NGLY1: variants seen among roughly 807,000 people sequenced by gnomAD.
The protein encoded by NGLY1 is N-glycanase 1.
A neutral mutation model predicts 84.6 loss-of-function variants in NGLY1; 68 were observed. The ratio of observed to expected loss-of-function variants is 0.80; its 90% CI spans 0.66 to 0.98. The LOEUF is 0.98. NGLY1 is among the 50% of genes least tolerant of loss of function. The pLI is 0.00. For synonymous variants in NGLY1, 280 were observed against 275.2 expected (o/e 1.02, Z -0.17); for missense variants, 779 against 770.2 (o/e 1.01, Z -0.14).
At position 25,719,434 on chromosome 3, in the gene NGLY1, C is replaced by T. The variant is rs1456476070; in HGVS notation, c.*26G>A. 2.5e-6 allele frequency: 4 copies of T among 1,604,928 alleles called. No individual in the cohort carries two copies. Among genetic ancestry groups the T allele is most frequent in the East Asian group, 2.2e-5 (1 of 44,792 alleles). Reference sequence around the variant, plus strand: ...TACTTCAGTAAGTCCTTGATTATTGCCAGCTTTTCTATAATGTTCAGGTTC... The same window carrying T: ...TACTTCAGTAAGTCCTTGATTATTGTCAGCTTTTCTATAATGTTCAGGTTC... On this transcript the variant is annotated 3_prime_UTR_variant, in exon 12 of 12. Transcript: ENST00000280700.
chr3:25,777,864 T>G (rs149395740), intron 2 of NGLY1: 1 of 152,254 alleles, frequency 6.6e-6, no homozygotes, highest in Admixed American at 6.5e-5. Context: ...CAGAGAGGCA[T>G]GAAGAAAAGT....
intron 10 of NGLY1, among the ~76,000 whole-genome samples, chr3:25,722,302 A>C (rs1190207840): frequency 6.7e-6 from 1 of 149,268 alleles, no homozygotes; most frequent in Non-Finnish European, 1.5e-5. Flanking sequence ...TTCATGTTAG[A>C]CTTGATCTTT....
Position 25,719,646 on chromosome 3 carries a change from GA to G in NGLY1, c.1790-12del, listed in dbSNP as rs531889481. The G allele has an allele frequency of 4.7e-4, 717 of 1,509,702 alleles. No homozygotes were observed. The highest frequency in any genetic ancestry group is 1.8e-3 in the Middle Eastern group (10 of 5,616). The allele number at this position is 1,509,702 out of a possible 1,614,324, so 93.5% of individuals were successfully genotyped here. The stretch of plus-strand genomic sequence containing the variant: ...AGTGAAGACTGTTATCTGTTAGAGG[GA>G]AAAAAAAAATTAACATTTTGCTTTT... On this transcript the variant is annotated splice_polypyrimidine_tract_variant and intron_variant, in intron 11 of 11. Transcript: ENST00000280700.
chr3:25,755,649 T>C (rs1707001358), intron 3 of NGLY1: 13 of 1,476,334 alleles, frequency 8.8e-6, no homozygotes, highest in Non-Finnish European at 1.1e-5. Context: ...GAGAAAAACA[T>C]GAAGATGATG....
At chr3:25,747,507 G>A (rs541579250) in intron 4 of NGLY1, among the ~76,000 whole-genome samples, 78 of 152,202 alleles carry the variant, frequency 5.1e-4, no homozygotes, top group Non-Finnish European at 9.1e-4. Context: ...AAAATACAAA[G>A]GGTAGCAAAA....
At chr3:25,781,027 G>A (rs1326240332) in intron 1 of NGLY1, among the ~76,000 whole-genome samples, 2 of 151,404 alleles carry the variant, frequency 1.3e-5, no homozygotes, top group African/African-American at 4.9e-5. Flanking sequence ...AAGCTAGAAT[G>A]CAGTGGCATG....
intron 4 of NGLY1, among the ~76,000 whole-genome samples, chr3:25,746,984 T>C (rs1179127565): frequency 2.6e-5 from 4 of 152,166 alleles, no homozygotes. Flanking sequence ...CATCTGCAAC[T>C]GCAAATTAGC....
At chr3:25,770,668 T>C (rs1400511564) in intron 2 of NGLY1, among the ~76,000 whole-genome samples, 1 of 152,228 alleles carries the variant, frequency 6.6e-6, no homozygotes, top group Non-Finnish European at 1.5e-5. Flanking sequence ...GGGGTCATAC[T>C]AGTTTACATT....
At chr3:25,777,123 C>T (rs1708187254) in intron 2 of NGLY1, among the ~76,000 whole-genome samples, 1 of 152,188 alleles carries the variant, frequency 6.6e-6, no homozygotes, top group South Asian at 2.1e-4. Context: ...AGGCTGGGCA[C>T]GGCGGCTCAC....
At chr3:25,739,879 G>A in intron 4 of NGLY1, 80 bp from the exon 5 acceptor site, 3 of 1,033,934 alleles carry the variant, frequency 2.9e-6, no homozygotes, top group South Asian at 1.6e-5. Flanking sequence ...TCTCAAATAC[G>A]AACCTGAAAA....
At chr3:25,763,336 TA>T (rs1707403960) in intron 3 of NGLY1, among the ~76,000 whole-genome samples, 1 of 152,182 alleles carries the variant, frequency 6.6e-6, no homozygotes, top group Admixed American at 6.5e-5. Flanking sequence ...TAGGAAATCT[TA>T]AAAGATATAT....
chr3:25,781,878 G>T (rs981426641), intron 1 of NGLY1, among the ~76,000 whole-genome samples: 2 of 152,164 alleles, frequency 1.3e-5, no homozygotes, highest in Non-Finnish European at 2.9e-5. Context: ...TGACTAGTGG[G>T]GTTTTAAATA....
At chr3:25,729,376 A>G (rs1705424939) in intron 9 of NGLY1, 58 bp from the exon 10 acceptor site, 2 of 1,132,542 alleles carry the variant, frequency 1.8e-6, no homozygotes, top group African/African-American at 3.2e-5. Context: ...AAAAGAAAAA[A>G]GAGAAATTAC....
At position 25,725,747 on chromosome 3, in the gene NGLY1, GA is replaced by G. The variant is rs371992394; in HGVS notation, c.1611+3385del. Among the ~76,000 whole-genome samples the G allele has an allele frequency of 3.6e-3, 527 of 145,112 alleles. 1 individual carries two copies. The highest frequency in any genetic ancestry group is 0.015 in the East Asian group (75 of 5,032). ...TGAGTTGATTGTTGTAGAGAGAACAGAAAAAAAAAAATACTTGTAGAGTGAA... is the reference window on the plus strand; with the variant it reads ...TGAGTTGATTGTTGTAGAGAGAACAGAAAAAAAAAATACTTGTAGAGTGAA... On this transcript the variant is annotated intron_variant, in intron 10 of 11. Transcript: ENST00000280700.
chr3:25,755,615 A>G, intron 3 of NGLY1: 1 of 1,497,994 alleles, frequency 6.7e-7, no homozygotes, highest in South Asian at 1.1e-5. Context: ...CATAGAACAC[A>G]GCCAATGAAG....
rs1375458103 is a variant in NGLY1 at position 25,751,240 on chromosome 3, T to C, written c.516A>G (p.Leu172=). 1 of 1,588,172 alleles carries C rather than the reference T, an allele frequency of 6.3e-7. No individual in the cohort carries two copies. Among genetic ancestry groups the C allele is most frequent in the South Asian group, 1.2e-5 (1 of 85,090 alleles). Residue 172 remains leucine, a synonymous_variant, in exon 4 of 12, where the codon CTA becomes CTG. Coordinates refer to ENST00000280700, the MANE Select transcript of NGLY1 (RefSeq NM_018297.4). ...ASTVAADSAI[L]EVLQSNIQHV... ...GCTGAATGTTGGACTGAAGAACTTC[T>C]AGAATGGCTGAGTCAGCAGCAACCT... is the stretch of plus-strand genomic sequence containing the variant.
intron 1 of NGLY1, among the ~76,000 whole-genome samples, chr3:25,781,000 G>C (rs775579737): frequency 2.6e-4 from 39 of 151,364 alleles, no homozygotes; most frequent in Non-Finnish European, 3.7e-4. Flanking sequence ...TTTGAGAAAG[G>C]TCTCACTTCG....
chr3:25,749,377 T>C, intron 4 of NGLY1: 6 of 649,846 alleles, frequency 9.2e-6, no homozygotes, highest in Non-Finnish European at 1.3e-5. Flanking sequence ...TAAATGGATA[T>C]GCAAAATGTG....
At chr3:25,759,621 C>T (rs946937192) in intron 3 of NGLY1, among the ~76,000 whole-genome samples, 4 of 152,078 alleles carry the variant, frequency 2.6e-5, no homozygotes, top group African/African-American at 9.7e-5. Context: ...TAGAAAGTTG[C>T]TGATTACATG....
Sources: gnomAD v4.1 joint callset for allele counts (sites outside exome capture counted in the v4.1 genomes callset) on GRCh38, gnomAD v4.1.1 for gene constraint, MANE v1.5 for transcripts, NCBI Gene and HGNC (gene_info 2026-07-23, HGNC 2026-07-21) for gene names.